IQUB: variants seen among roughly 807,000 people sequenced by gnomAD.
IQUB encodes IQ motif and ubiquitin-like domain-containing protein.
IQUB carries 86 observed loss-of-function variants against 86.4 expected under a neutral mutation model. The observed-to-expected ratio is 1.00, with a 90% confidence interval of 0.84 to 1.19. The LOEUF (loss-of-function observed/expected upper bound fraction) is 1.19, where lower values mean the gene tolerates loss of function less well. Among genes scored for constraint, IQUB ranks in the 50% most tolerant of loss-of-function variants. The pLI is 0.00. For synonymous variants in IQUB, 289 were observed against 304.5 expected, an observed-to-expected ratio of 0.95 and a Z score of 0.53; for missense variants, 946 against 916.9, an observed-to-expected ratio of 1.03 and a Z score of -0.41.
chr7:123,457,596 T>G, intron 11 of IQUB, 30 bp from the exon 12 acceptor site: 1 of 1,526,794 alleles, frequency 6.5e-7, no homozygotes, highest in East Asian at 2.3e-5. Flanking sequence ...TTAAAAACAA[T>G]GTAGTTTAAA....
chr7:123,453,062 T>G (rs990626892), intron 12 of IQUB, 137 bp from the exon 13 acceptor site: 7 of 651,944 alleles, frequency 1.1e-5, no homozygotes, highest in Non-Finnish European at 1.8e-5. Flanking sequence ...TTGTCTATCA[T>G]CATTCACGAC....
At chr7:123,453,084 G>T (rs977564627) in intron 12 of IQUB, among the ~76,000 whole-genome samples, 159 bp from the exon 13 acceptor site, 3 of 151,494 alleles carry the variant, frequency 2.0e-5, no homozygotes, top group Non-Finnish European at 4.4e-5. Flanking sequence ...CAGCTCCTAT[G>T]ATACTTTAAC....
chr7:123,465,247 TACTC>T (rs1353176611), intron 9 of IQUB, among the ~76,000 whole-genome samples: 1 of 151,858 alleles, frequency 6.6e-6, no homozygotes, highest in Non-Finnish European at 1.5e-5. Context: ...TTAAGCAAAA[TACTC>T]AAGGTACAAA....
rs182978338 is a variant in IQUB, at chr7:123,461,493, C to T, written c.1871G>A (p.Arg624Gln). 1.5e-5 allele frequency: 24 copies of T among 1,612,114 alleles called. No individual in the cohort carries two copies. In the Admixed American group the frequency reaches 1.5e-4, roughly 10 times the overall value. Residue 624 changes from arginine (R) to glutamine (Q), a missense_variant, in exon 11 of 13, where the codon CGG becomes CAG. Physicochemically the swap from Arg to Gln is conservative, Grantham distance 43. Transcript: ENST00000324698. ...CTGAAGGTTAATGCAGTTACGACAC[C>T]GGTATATGCGGCGTGAGGTGGATGA... Reference protein sequence around the residue: ...SVSSTSRRIYRCRNCINLQNE... With the variant: ...SVSSTSRRIYQCRNCINLQNE...
chr7:123,502,736 T>C lies in IQUB; in HGVS notation c.884A>G (p.Lys295Arg). The C allele has an allele frequency of 6.2e-7, 1 of 1,602,502 alleles. No individual in the cohort carries two copies. The highest frequency in any genetic ancestry group is 1.1e-5 in the South Asian group (1 of 88,040). Residue 295 changes from lysine to arginine, a missense_variant, in exon 6 of 13, where the codon AAA becomes AGA. Transcript: ENST00000324698. Reference protein sequence around the residue: ...CRDTQTVFQKKNLQQTTNTTS... With the variant: ...CRDTQTVFQKRNLQQTTNTTS... ...TGTATTTGTAGTTTGTTGGAGATTT[T>C]TTTTCTGAAAAACTGTCTAAAAGAA...
intron 1 of IQUB, among the ~76,000 whole-genome samples, chr7:123,515,828 G>A (rs1332154730): frequency 6.6e-6 from 1 of 152,178 alleles, no homozygotes; most frequent in African/African-American, 2.4e-5. Flanking sequence ...TATGCTCAGT[G>A]AAGAAGCCAG....
chr7:123,481,802 A>G (rs981746895), intron 7 of IQUB, among the ~76,000 whole-genome samples: 11 of 152,148 alleles, frequency 7.2e-5, no homozygotes, highest in Non-Finnish European at 1.2e-4. Flanking sequence ...GATAGTAACA[A>G]CTATGAGTTT....
chr7:123,475,878 G>T (rs980421958), intron 8 of IQUB, among the ~76,000 whole-genome samples: 1 of 152,124 alleles, frequency 6.6e-6, no homozygotes, highest in African/African-American at 2.4e-5. Flanking sequence ...AAACAAATAG[G>T]TTTATTTCAA....
intron 1 of IQUB, among the ~76,000 whole-genome samples, chr7:123,520,533 GA>G (rs1489201416): frequency 2.0e-5 from 3 of 152,122 alleles, no homozygotes; most frequent in Non-Finnish European, 4.4e-5. Flanking sequence ...GCTGAACTGA[GA>G]AAATAAGCAA....
chr7:123,523,116 G>A (rs541653707), intron 1 of IQUB, among the ~76,000 whole-genome samples: 3 of 151,550 alleles, frequency 2.0e-5, no homozygotes, highest in Non-Finnish European at 4.4e-5. Context: ...TTGGACATTT[G>A]GGTTGGTTCC....
chr7:123,515,548 G>A (rs1213867791), intron 1 of IQUB, among the ~76,000 whole-genome samples: 1 of 152,140 alleles, frequency 6.6e-6, no homozygotes, highest in Non-Finnish European at 1.5e-5. Context: ...CTCTACACTT[G>A]TACTCATGTC....
intron 8 of IQUB, among the ~76,000 whole-genome samples, chr7:123,471,258 T>C (rs1261044653): frequency 6.6e-6 from 1 of 152,216 alleles, no homozygotes; most frequent in African/African-American, 2.4e-5. Context: ...ATTTTATCAT[T>C]CAATTCTCAT....
At chr7:123,460,569 TGC>T (rs1793931421) in intron 11 of IQUB, among the ~76,000 whole-genome samples, 1 of 151,964 alleles carries the variant, frequency 6.6e-6, no homozygotes, top group Non-Finnish European at 1.5e-5. Context: ...AGGTCAATTG[TGC>T]TCTATAATAT....
intron 1 of IQUB, among the ~76,000 whole-genome samples, chr7:123,528,135 G>A (rs1359956805): frequency 1.3e-5 from 2 of 152,316 alleles, no homozygotes; most frequent in East Asian, 1.9e-4. Context: ...CTGACCCCTT[G>A]CGCTTCCCAA....
At chr7:123,496,606 A>G (rs1332446454) in intron 7 of IQUB, 90 bp downstream of exon 7, 4 of 775,058 alleles carry the variant, frequency 5.2e-6, no homozygotes, top group East Asian at 5.6e-5. Context: ...CCCTAAAATA[A>G]TAACACCTTC....
chr7:123,530,672 A>ATTTTTTTTTT (rs377272603), intron 1 of IQUB, among the ~76,000 whole-genome samples: 5 of 99,460 alleles, frequency 5.0e-5, no homozygotes, highest in African/African-American at 2.1e-4. Flanking sequence ...TTGCTCTTTG[A>ATTTTTTTTTT]TTTTTTTTTT....
chr7:123,520,773 A>G (rs1042443751), intron 1 of IQUB, among the ~76,000 whole-genome samples: 1 of 152,054 alleles, frequency 6.6e-6, no homozygotes, highest in Non-Finnish European at 1.5e-5. Context: ...CATGAGGTGA[A>G]ATGGACCTGG....
At chr7:123,532,195 G>A (rs1797564554) in intron 1 of IQUB, among the ~76,000 whole-genome samples, 3 of 152,126 alleles carry the variant, frequency 2.0e-5, no homozygotes, top group Admixed American at 6.5e-5. Flanking sequence ...ACTGAAAAGA[G>A]TCCTACTTTT....
chr7:123,503,555 G>A (rs905158187), intron 3 of IQUB, among the ~76,000 whole-genome samples, 192 bp from the exon 4 acceptor site: 1 of 151,838 alleles, frequency 6.6e-6, no homozygotes, highest in Non-Finnish European at 1.5e-5. Context: ...TTATCATTTT[G>A]TGGTAAGAAC....
Sources: gnomAD v4.1 joint callset for allele counts (sites outside exome capture counted in the v4.1 genomes callset) on GRCh38, gnomAD v4.1.1 for gene constraint, MANE v1.5 for transcripts, NCBI Gene and HGNC (gene_info 2026-07-23, HGNC 2026-07-21) for gene names.